Variants in FOXO3B observed in about 807,000 individuals in gnomAD.
The protein encoded by FOXO3B is forkhead box protein O3B.
Under a neutral mutation model 21.9 loss-of-function variants are expected in FOXO3B, and 15 were observed. That is an observed-to-expected ratio of 0.68 (90% CI 0.46 to 1.05). FOXO3B has a LOEUF of 1.05. Among genes scored for constraint, FOXO3B ranks in the 50% least tolerant of loss-of-function variants. The pLI is 0.00. For missense variants in FOXO3B, 293 were observed against 435.5 expected, an observed-to-expected ratio of 0.67 and a Z score of 2.91; for synonymous variants, 135 against 213.6, an observed-to-expected ratio of 0.63 and a Z score of 3.21.
chr17:18,672,116 T>C lies in FOXO3B; in HGVS notation c.*193A>G. ...TCGGGGGCTGTCTGCAGGGCTGCCT[T>C]CTTCTTGGCTGTGCGGCCACGGCTC... On this transcript the variant is annotated 3_prime_UTR_variant, in exon 4 of 4. Transcript: ENST00000395675. The surrounding 1 kb of genome is among the most constrained non-coding windows in gnomAD (Gnocchi z 4.2). 1.2e-6 allele frequency: 2 copies of C among 1,607,604 alleles called. No individual in the cohort carries two copies. Among genetic ancestry groups the C allele is most frequent in the Admixed American group, 1.7e-5 (1 of 59,620 alleles).
chr17:18,679,668 G>C (rs2032550867), intron 3 of FOXO3B, among the ~76,000 whole-genome samples: 1 of 151,886 alleles, frequency 6.6e-6, no homozygotes, highest in Non-Finnish European at 1.5e-5. Flanking sequence ...GGCTGGTCTT[G>C]AACTCCTGAC....
intron 3 of FOXO3B, among the ~76,000 whole-genome samples, chr17:18,676,040 T>C (rs1448512880): frequency 6.6e-6 from 1 of 152,154 alleles, no homozygotes; most frequent in Non-Finnish European, 1.5e-5. Flanking sequence ...GATTAGTACC[T>C]AAAATACATG....
intron 3 of FOXO3B, chr17:18,677,670 C>T (rs1392060707): frequency 6.2e-6 from 10 of 1,606,610 alleles, no homozygotes; most frequent in Non-Finnish European, 8.5e-6. Flanking sequence ...GGCTGAGGGT[C>T]CCATGGCCAA....
Position 18,672,445 on chromosome 17 carries a change from G to C in FOXO3B, c.737C>G (p.Ser246Cys). The stretch of plus-strand genomic sequence containing the variant: ...GGCGCGGGTGATCAGGTCCGCGTAG[G>C]ACAGGTTTCCCCAGGCGTTCCGCCG... ...SSRRNAWGNL[S>C]YADLITRAIE... The change falls in exon 4 of 4, where the codon TCC becomes TGC. Residue 246 changes from serine to cysteine, a missense_variant. Around this residue, in one of 2 missense-constraint regions of FOXO3B, gnomAD observed 251 missense variants for 404.0 expected, o/e 0.62. Transcript: ENST00000395675. The surrounding 1 kb of genome is among the most constrained non-coding windows in gnomAD (Gnocchi z 4.2). The C allele has an allele frequency of 6.2e-6, 10 of 1,607,098 alleles. No homozygotes were observed. In the South Asian group the frequency reaches 7.7e-5, roughly 12 times the overall value.
rs931826921 is a variant in FOXO3B, at chr17:18,671,946, G to C, written c.*363C>G. Reference sequence around the variant, plus strand: ...CTTCATCCAACTCTGTGCTTGCCATGATGGGCGACAGGCGGCCACTGACTG... The same window carrying C: ...CTTCATCCAACTCTGTGCTTGCCATCATGGGCGACAGGCGGCCACTGACTG... On this transcript the variant is annotated 3_prime_UTR_variant, in exon 4 of 4. Coordinates refer to ENST00000395675, the MANE Select transcript of FOXO3B (RefSeq NM_001368135.1). 2.6e-5 allele frequency: 42 copies of C among 1,613,548 alleles called. No homozygotes were observed. The African/African-American group carries it at 4.5e-4, about 17-fold the overall frequency.
At position 18,670,807 on chromosome 17, in the gene FOXO3B, C is replaced by T. The variant is rs2032350024; in HGVS notation, c.*1502G>A. ...GTTAAGCTGTAAACGGTATCACTGT[C>T]CACTTGCTGAGAGCAGATTTGGCAA... On this transcript the variant is annotated 3_prime_UTR_variant, in exon 4 of 4. Coordinates refer to ENST00000395675, the MANE Select transcript of FOXO3B (RefSeq NM_001368135.1). 1 of 1,254,764 alleles carries T rather than the reference C, an allele frequency of 8.0e-7. No homozygotes were observed. Among genetic ancestry groups the T allele is most frequent in the South Asian group, 1.4e-5 (1 of 71,570 alleles). 77.7% of individuals were successfully genotyped at this position (1,254,764 alleles called of 1,614,324 possible).
intron 3 of FOXO3B, among the ~76,000 whole-genome samples, chr17:18,678,354 T>C (rs1234483085): frequency 1.3e-5 from 2 of 152,136 alleles, no homozygotes; most frequent in African/African-American, 2.4e-5. Context: ...GAAGGAAATA[T>C]AGTATACCAT....
intron 3 of FOXO3B, among the ~76,000 whole-genome samples, chr17:18,674,646 G>GT (rs2032450455): frequency 6.8e-6 from 1 of 146,470 alleles, no homozygotes; most frequent in Admixed American, 6.7e-5. Flanking sequence ...AAAAGGGGGG[G>GT]GGGAGATTAC....
Position 18,670,955 on chromosome 17 carries a change from C to T in FOXO3B, c.*1354G>A. ...AGGCCTGCTTAGCACCAGTGAAGTT[C>T]CCCACGTTCAAACCAACAACATTCT... On this transcript the variant is annotated 3_prime_UTR_variant, in exon 4 of 4. Coordinates refer to ENST00000395675, the MANE Select transcript of FOXO3B (RefSeq NM_001368135.1). The T allele has an allele frequency of 1.4e-6, 2 of 1,397,686 alleles. No homozygotes were observed. The highest frequency in any genetic ancestry group is 2.0e-6 in the Non-Finnish European group (2 of 1,024,718). The allele number at this position is 1,397,686 out of a possible 1,614,324, so 86.6% of individuals were successfully genotyped here. A position where few individuals can be genotyped will look rare whatever the true frequency, so the allele number is the denominator to read the frequency against.
chr17:18,670,895 A>G lies in FOXO3B; in HGVS notation c.*1414T>C. ...CTGCTTTGCCCACTTCCCCTTCCTC[A>G]GTGATCCTTCAGCCTGGCACCCAGC... On this transcript the variant is annotated 3_prime_UTR_variant, in exon 4 of 4. Coordinates refer to ENST00000395675, the MANE Select transcript of FOXO3B (RefSeq NM_001368135.1). 6.3e-7 allele frequency: 1 copy of G among 1,577,352 alleles called. No individual in the cohort carries two copies. Among genetic ancestry groups the G allele is most frequent in the Non-Finnish European group, 8.6e-7 (1 of 1,161,054 alleles).
chr17:18,672,684 G>T lies in FOXO3B; in HGVS notation c.498C>A (p.Gly166=). 6.6e-7 allele frequency: 1 copy of T among 1,522,000 alleles called. No homozygotes were observed. The highest frequency in any genetic ancestry group is 8.8e-7 in the Non-Finnish European group (1 of 1,142,032). The allele number at this position is 1,522,000 out of a possible 1,614,324, so 94.3% of individuals were successfully genotyped here. The change falls in exon 4 of 4, where the codon GGC becomes GGA. Residue 166 remains glycine, a synonymous_variant. Transcript: ENST00000395675. This position sits in a 1 kb window ranked among gnomAD's most constrained non-coding sequence, Gnocchi z 4.2. ...GRAGSAMAIG[G]GGGSRTLVSG... is the part of the protein sequence containing the mutation. ...AGACCAGCGTGCGGCTCCCGCCGCC[G>T]CCGCCGATCGCCATGGCCGAGCCGG...
rs776858649 is a variant in FOXO3B at position 18,680,702 on chromosome 17, A to T, written c.126+39T>A. On this transcript the variant is annotated intron_variant, in intron 3 of 3. Transcript: ENST00000395675. Reference sequence around the variant, plus strand: ...GAAGGGAGTGCATCTGTACTCTAAGAAACAAGGTGTAATTCCAATAATCAG... The same window carrying T: ...GAAGGGAGTGCATCTGTACTCTAAGTAACAAGGTGTAATTCCAATAATCAG... 2.5e-6 allele frequency: 4 copies of T among 1,606,116 alleles called. No individual in the cohort carries two copies. The African/African-American group carries it at 5.4e-5, about 22-fold the overall frequency.
At position 18,667,909 on chromosome 17, in the gene FOXO3B, C is replaced by T. The variant is rs2032297073; in HGVS notation, c.*4400G>A. ...CATCATAAATCAAACATTACAGCTG[C>T]CAGGCCCCTTGAGGCTAAGCATTCT... On this transcript the variant is annotated 3_prime_UTR_variant, in exon 4 of 4. Coordinates refer to ENST00000395675, the MANE Select transcript of FOXO3B (RefSeq NM_001368135.1). 1 of 152,188 alleles carries T rather than the reference C, an allele frequency of 6.6e-6. No homozygotes were observed. Among genetic ancestry groups the T allele is most frequent in the South Asian group, 2.1e-4 (1 of 4,828 alleles). 9.4% of individuals were successfully genotyped at this position (152,188 alleles called of 1,614,324 possible).
In FOXO3B at chr17:18,672,872, C is replaced by G; in HGVS notation, c.310G>C (p.Asp104His). ...CGGCTCTGGGGCTCGAACTCCGGGT[C>G]CAGCTCCACTTCGAGCGGAGAAAGC... ...APLSPLEVELDPEFEPQSRPR... is the reference protein window; with the variant it reads ...APLSPLEVELHPEFEPQSRPR... The change falls in exon 4 of 4, where the codon GAC becomes CAC. Residue 104 changes from aspartate (D) to histidine (H), a missense_variant. By Grantham distance (81) the Asp-to-His change is moderately conservative. Transcript: ENST00000395675. The surrounding 1 kb of genome is among the most constrained non-coding windows in gnomAD (Gnocchi z 4.2). The G allele has an allele frequency of 1.9e-6, 3 of 1,561,190 alleles. No homozygotes were observed. In the East Asian group the frequency reaches 7.1e-5, roughly 37 times the overall value.
In FOXO3B at chr17:18,678,107, A is replaced by G. The variant is rs1375274441; in HGVS notation, c.126+2634T>C. ...CCAAAAATTAGAAGAAAAAGCCAGA[A>G]CAACAAAAATGCAAACCATTGCACA... On this transcript the variant is annotated intron_variant, in intron 3 of 3. Transcript: ENST00000395675. 3.3e-5 allele frequency among the ~76,000 whole-genome samples: 5 copies of G among 152,130 alleles called. No individual in the cohort carries two copies. The East Asian group carries it at 9.6e-4, about 29-fold the overall frequency.
In FOXO3B at chr17:18,671,904, C is replaced by T. The variant is rs1346369785; in HGVS notation, c.*405G>A. On this transcript the variant is annotated 3_prime_UTR_variant, in exon 4 of 4. Transcript: ENST00000395675. The stretch of plus-strand genomic sequence containing the variant: ...TGCTGTAGAGCATGGGCGAGAGAGG[C>T]GCATCGTCGTCCTGGACTTCATCCA... The T allele has an allele frequency of 1.2e-5, 19 of 1,613,492 alleles. No individual in the cohort carries two copies. Among genetic ancestry groups the T allele is most frequent in the Admixed American group, 3.3e-5 (2 of 60,006 alleles).
intron 3 of FOXO3B, chr17:18,677,301 C>T: frequency 8.7e-6 from 14 of 1,613,682 alleles, no homozygotes; most frequent in Non-Finnish European, 1.1e-5. Flanking sequence ...GAAGGACTTC[C>T]CTGCCTCCCC....
intron 3 of FOXO3B, among the ~76,000 whole-genome samples, chr17:18,674,201 G>A (rs1291021201): frequency 6.6e-6 from 1 of 151,970 alleles, no homozygotes; most frequent in African/African-American, 2.4e-5. Context: ...TTGTGGGAAT[G>A]ATGAGACTAA....
intron 3 of FOXO3B, 138 bp from the exon 4 acceptor site, chr17:18,673,193 T>C: frequency 1.7e-6 from 2 of 1,204,356 alleles, no homozygotes; most frequent in Non-Finnish European, 2.1e-6. Flanking sequence ...CCATACTTCT[T>C]AATAACACTT....
Sources: gnomAD v4.1 joint callset for allele counts (sites outside exome capture counted in the v4.1 genomes callset) on GRCh38, gnomAD v4.1.1 for gene constraint, gnomAD v4.1.1 regional missense constraint, Gnocchi (gnomAD v3.1) non-coding constraint, MANE v1.5 for transcripts, NCBI Gene and HGNC (gene_info 2026-07-23, HGNC 2026-07-21) for gene names.